XPR1: variants seen among roughly 807,000 people sequenced by gnomAD.
XPR1 encodes xenotropic and polytropic retrovirus receptor 1.
XPR1 carries 28 observed loss-of-function variants against 87.5 expected under a neutral mutation model. The observed-to-expected ratio is 0.32, with a 90% CI of 0.24 to 0.44. The LOEUF (loss-of-function observed/expected upper bound fraction) is 0.44. Ranked by LOEUF, XPR1 falls within the 20% of genes least tolerant of loss-of-function variation. The pLI is 1.00. For synonymous variants in XPR1, 300 were observed against 306.1 expected, an observed-to-expected ratio of 0.98 and a Z score of 0.21; for missense variants, 559 against 862.3, an observed-to-expected ratio of 0.65 and a Z score of 4.41.
chr1:180,866,812 T>A (rs960451114), intron 12 of XPR1, among the ~76,000 whole-genome samples: 73 of 48,496 alleles, frequency 1.5e-3, no homozygotes, highest in Middle Eastern at 8.2e-3. Flanking sequence ...TTTTTTTTAA[T>A]TTTTTTTTTT....
intron 10 of XPR1, among the ~76,000 whole-genome samples, chr1:180,836,145 G>A (rs1025145954): frequency 1.3e-5 from 2 of 151,998 alleles, no homozygotes; most frequent in Non-Finnish European, 2.9e-5. Flanking sequence ...GATAACTTGA[G>A]GTCAGAAGTT....
chr1:180,822,964 G>C (rs1650692101), intron 7 of XPR1, among the ~76,000 whole-genome samples: 1 of 152,144 alleles, frequency 6.6e-6, no homozygotes, highest in Non-Finnish European at 1.5e-5. Flanking sequence ...TATAGGCTGG[G>C]CATGGTGGCT....
chr1:180,880,365 TA>T (rs1319391063), intron 14 of XPR1, 68 bp downstream of exon 14: 6 of 1,563,000 alleles, frequency 3.8e-6, no homozygotes, highest in Non-Finnish European at 4.4e-6. Flanking sequence ...GCATGTAAGC[TA>T]AAAAGCTATC....
intron 1 of XPR1, among the ~76,000 whole-genome samples, chr1:180,661,409 T>G (rs1245166665): frequency 6.6e-6 from 1 of 152,116 alleles, no homozygotes; most frequent in Non-Finnish European, 1.5e-5. Flanking sequence ...AGTCTCTTCC[T>G]TCTTTCCTTC....
chr1:180,737,851 A>G (rs1435305148), intron 2 of XPR1, among the ~76,000 whole-genome samples: 2 of 152,148 alleles, frequency 1.3e-5, no homozygotes, highest in Non-Finnish European at 2.9e-5. Context: ...TTGTTTATCC[A>G]GTAGGACATG....
intron 1 of XPR1, among the ~76,000 whole-genome samples, chr1:180,659,333 T>TTCCTTCCGTCCTTCCTTCCG (rs1241511399): frequency 2.2e-5 from 3 of 135,250 alleles, no homozygotes; most frequent in Non-Finnish European, 3.2e-5. Flanking sequence ...TCTTCCTTCC[T>TTCCTTCCGTCCTTCCTTCCG]TCCTTCCGTC....
At chr1:180,758,114 T>TAC (rs71121050) in intron 2 of XPR1, among the ~76,000 whole-genome samples, 19,384 of 141,080 alleles carry the variant, frequency 0.14, 1,286 homozygotes, top group Non-Finnish European at 0.15. Context: ...TATAGAAGGA[T>TAC]ACACACACAC....
At chr1:180,762,130 G>C (rs1380877682) in intron 2 of XPR1, among the ~76,000 whole-genome samples, 1 of 131,996 alleles carries the variant, frequency 7.6e-6, no homozygotes, top group Non-Finnish European at 1.6e-5. Context: ...GTGGGGTCGG[G>C]GGAGGGGGGA....
intron 7 of XPR1, among the ~76,000 whole-genome samples, chr1:180,813,750 A>G (rs1174652901): frequency 2.0e-5 from 3 of 152,188 alleles, no homozygotes; most frequent in Admixed American, 6.5e-5. Flanking sequence ...CTAAGGGTCT[A>G]TGTAATTGTG....
intron 2 of XPR1, among the ~76,000 whole-genome samples, chr1:180,744,368 T>C (rs1659012572): frequency 6.6e-6 from 1 of 152,154 alleles, no homozygotes; most frequent in African/African-American, 2.4e-5. Context: ...TGATCGTATA[T>C]TTTTGTGCCA....
intron 1 of XPR1, among the ~76,000 whole-genome samples, chr1:180,681,900 T>A (rs1207167764): frequency 6.6e-6 from 1 of 152,242 alleles, no homozygotes; most frequent in Admixed American, 6.5e-5. Flanking sequence ...AATGTGAATG[T>A]ACTTAACACT....
intron 1 of XPR1, among the ~76,000 whole-genome samples, chr1:180,678,134 T>C (rs1258415670): frequency 6.6e-6 from 1 of 152,214 alleles, no homozygotes; most frequent in Non-Finnish European, 1.5e-5. Flanking sequence ...AGGATGGAGA[T>C]GGCACAGAGC....
At chr1:180,883,012 G>T (rs1017522324) in intron 14 of XPR1, among the ~76,000 whole-genome samples, 1 of 151,220 alleles carries the variant, frequency 6.6e-6, no homozygotes, top group Admixed American at 6.6e-5. Flanking sequence ...ACCTAGGCTG[G>T]AGTGCAGTGG....
At chr1:180,794,188 A>G (rs902734066) in intron 3 of XPR1, among the ~76,000 whole-genome samples, 1 of 152,224 alleles carries the variant, frequency 6.6e-6, no homozygotes, top group Non-Finnish European at 1.5e-5. Context: ...TAGCATATAT[A>G]GTATAGCCTG....
At chr1:180,683,099 T>C (rs1455337299) in intron 2 of XPR1, among the ~76,000 whole-genome samples, 1 of 151,792 alleles carries the variant, frequency 6.6e-6, no homozygotes, top group South Asian at 2.1e-4. Context: ...ATTAGGTATA[T>C]CTCCTAATGC....
intron 11 of XPR1, among the ~76,000 whole-genome samples, chr1:180,862,553 T>C (rs1652257924): frequency 6.6e-6 from 1 of 152,164 alleles, no homozygotes; most frequent in African/African-American, 2.4e-5. Flanking sequence ...CATTCCCATT[T>C]GCCTTGGTGC....
chr1:180,850,076 G>A (rs1328620735), intron 11 of XPR1, among the ~76,000 whole-genome samples: 1 of 152,168 alleles, frequency 6.6e-6, no homozygotes, highest in Non-Finnish European at 1.5e-5. Flanking sequence ...CAGTAAATAT[G>A]TGAGTAGGTG....
chr1:180,863,159 T>C (rs1057327171), intron 11 of XPR1, among the ~76,000 whole-genome samples: 1 of 152,102 alleles, frequency 6.6e-6, no homozygotes, highest in South Asian at 2.1e-4. Flanking sequence ...TTCATACATA[T>C]CCTTAAGGGT....
At chr1:180,758,450 T>A (rs1330367235) in intron 2 of XPR1, among the ~76,000 whole-genome samples, 2 of 152,186 alleles carry the variant, frequency 1.3e-5, no homozygotes, top group Non-Finnish European at 2.9e-5. Flanking sequence ...TGCTCATGCC[T>A]GTAATCCCAG....
Sources: allele counts gnomAD v4.1 joint callset (sites outside exome capture counted in the v4.1 genomes callset), GRCh38; gene constraint gnomAD v4.1.1; transcripts MANE v1.5; gene names NCBI Gene and HGNC (gene_info 2026-07-23, HGNC 2026-07-21).